The following MORN1 variants were observed in gnomAD, a reference collection of about 807,000 sequenced individuals.
MORN1 encodes the protein MORN repeat containing 1.
In MORN1, 67 loss-of-function variants were observed where a neutral mutation model predicts 61.9. That is an observed-to-expected ratio of 1.08 (90% CI 0.89 to 1.33). The LOEUF (loss-of-function observed/expected upper bound fraction) is 1.33. MORN1 is among the 40% of genes most tolerant of loss of function. The pLI is 0.00. For synonymous variants in MORN1, 301 were observed against 292.0 expected, an observed-to-expected ratio of 1.03 and a Z score of -0.31; for missense variants, 752 against 691.2, an observed-to-expected ratio of 1.09 and a Z score of -0.99.
At position 2,334,460 on chromosome 1, in the gene MORN1, A is replaced by C. The variant is rs566070042; in HGVS notation, c.1250+2009T>G. 6.6e-6 allele frequency among the ~76,000 whole-genome samples: 1 copy of C among 152,120 alleles called. No individual in the cohort carries two copies. The highest frequency in any genetic ancestry group is 2.1e-4 in the South Asian group (1 of 4,832). ...GAGCTTACGGAGAGTTCCCGATGGG[A>C]AAGACTCCCCAGGGTTTCCGCACCC... On this transcript the variant is annotated intron_variant, in intron 12 of 13. Transcript: ENST00000378531. This position sits in a 1 kb window ranked among gnomAD's most constrained non-coding sequence, Gnocchi z 5.4.
At chr1:2,329,786 C>G (rs532961710) in intron 12 of MORN1, among the ~76,000 whole-genome samples, 3 of 152,354 alleles carry the variant, frequency 2.0e-5, no homozygotes, top group Middle Eastern at 3.4e-3. Context: ...TAGTGTTCCC[C>G]AAGGCCCCAC....
intron 12 of MORN1, among the ~76,000 whole-genome samples, chr1:2,325,153 T>TTCCCTTCCC (rs1640989678): frequency 9.8e-6 from 1 of 102,074 alleles, no homozygotes; most frequent in African/African-American, 4.2e-5. Context: ...CCTCCCTTCC[T>TTCCCTTCCC]TCCCTCCCTT....
chr1:2,358,529 A>T, intron 9 of MORN1, 63 bp downstream of exon 9: 1 of 1,605,512 alleles, frequency 6.2e-7, no homozygotes. Flanking sequence ...ACAAGGAATT[A>T]ATGTGACCTA....
chr1:2,361,431 G>A (rs1641888341), intron 8 of MORN1, among the ~76,000 whole-genome samples: 1 of 152,114 alleles, frequency 6.6e-6, no homozygotes, highest in South Asian at 2.1e-4. Context: ...GGTGGCACGT[G>A]TCTGTCATCC....
Position 2,357,473 on chromosome 1 carries a change from C to A in MORN1, c.995G>T (p.Gly332Val). The change falls in exon 10 of 14, where the codon GGT (glycine) becomes GTT (valine). Residue 332 changes from glycine (G) to valine (V), a missense_variant. Transcript: ENST00000378531. This position sits in a 1 kb window ranked among gnomAD's most constrained non-coding sequence, Gnocchi z 6.3. ...LPRGDLELHLGALHGQEDTPG... is the reference protein window; with the variant it reads ...LPRGDLELHLVALHGQEDTPG... ...GGTGTCCTCCTGGCCATGGAGGGCA[C>A]CCAAATGCAGCTCCAGGTCTCCCCT... 1 of 1,612,294 alleles carries A rather than the reference C, an allele frequency of 6.2e-7. No individual in the cohort carries two copies. Among genetic ancestry groups the A allele is most frequent in the Non-Finnish European group, 8.5e-7 (1 of 1,179,434 alleles).
chr1:2,341,692 GAAAAAAAAA>G (rs68071614), intron 10 of MORN1, among the ~76,000 whole-genome samples: 1 of 133,782 alleles, frequency 7.5e-6, no homozygotes, highest in Non-Finnish European at 1.6e-5. Flanking sequence ...TCCGTCTCAA[GAAAAAAAAA>G]AAAAAAAAAG....
Position 2,388,280 on chromosome 1 carries a change from C to G in MORN1, c.206G>C (p.Gly69Ala). The stretch of plus-strand genomic sequence containing the variant: ...CCGGCGGCCTTCTCCCGTGATCTCT[C>G]CGTCCACAAACGCCCCTTCGTAATA... ...GSYYEGAFVD[G>A]EITGEGRRHW... is the part of the protein sequence containing the mutation. Residue 69 changes from glycine (G) to alanine (A), a missense_variant, in exon 3 of 14, where the codon GGA becomes GCA. Transcript: ENST00000378531. The G allele has an allele frequency of 6.2e-7, 1 of 1,614,004 alleles. No homozygotes were observed. Among genetic ancestry groups the G allele is most frequent in the Non-Finnish European group, 8.5e-7 (1 of 1,180,012 alleles).
At chr1:2,325,287 CCTCT>C (rs59175712) in intron 12 of MORN1, among the ~76,000 whole-genome samples, 146 of 136,450 alleles carry the variant, frequency 1.1e-3, no homozygotes, top group African/African-American at 3.1e-3. Context: ...CTCTCTCTCT[CCTCT>C]CTCTCTCTCT....
intron 12 of MORN1, chr1:2,326,313 A>C (rs1227520805): frequency 6.6e-6 from 1 of 152,250 alleles, no homozygotes; most frequent in African/African-American, 2.4e-5. Context: ...AGCGGGGTAC[A>C]TAATTCAGCA....
chr1:2,329,419 G>T (rs1350627249), intron 12 of MORN1, among the ~76,000 whole-genome samples: 1 of 152,214 alleles, frequency 6.6e-6, no homozygotes, highest in African/African-American at 2.4e-5. Flanking sequence ...TAGGGCCAGG[G>T]CACCCGGTGC....
chr1:2,390,586 G>A (rs1642626303), intron 1 of MORN1: 1 of 985,454 alleles, frequency 1.0e-6, no homozygotes, highest in Non-Finnish European at 1.2e-6. Context: ...CATTTTGTGG[G>A]CAGGGTTTAT....
intron 12 of MORN1, among the ~76,000 whole-genome samples, chr1:2,335,065 T>C (rs1242558450): frequency 6.6e-6 from 1 of 152,218 alleles, no homozygotes; most frequent in Non-Finnish European, 1.5e-5. Context: ...TCTGAAGTTA[T>C]CGTACAAAGT....
chr1:2,365,743 C>T (rs1401941219), intron 8 of MORN1, among the ~76,000 whole-genome samples: 1 of 152,178 alleles, frequency 6.6e-6, no homozygotes, highest in East Asian at 1.9e-4. Context: ...CCATCACTGG[C>T]TATCAGAGAA....
At position 2,322,668 on chromosome 1, in the gene MORN1, G is replaced by A; in HGVS notation, c.1298-1089C>T. On this transcript the variant is annotated intron_variant, in intron 13 of 13. Coordinates refer to ENST00000378531, the MANE Select transcript of MORN1 (RefSeq NM_024848.3). ...GGGGACAGCCTCCCTGGCGGGCGGA[G>A]GAAGAGCCCCACATGGCAACGCCAC... 3 of 985,460 alleles carry A rather than the reference G, an allele frequency of 3.0e-6. No homozygotes were observed. The South Asian group carries it at 1.4e-4, about 46-fold the overall frequency. The allele number at this position is 985,460 out of a possible 1,614,324, so 61.0% of individuals were successfully genotyped here.
chr1:2,387,484 T>C lies in MORN1; in HGVS notation c.293A>G (p.Tyr98Cys), dbSNP rs764339267. 1.2e-6 allele frequency: 2 copies of C among 1,613,580 alleles called. No homozygotes were observed. The highest frequency in any genetic ancestry group is 8.5e-7 in the Non-Finnish European group (1 of 1,180,024). Residue 98 changes from tyrosine to cysteine, a missense_variant, in exon 4 of 14, where the codon TAC becomes TGC. Coordinates refer to ENST00000378531, the MANE Select transcript of MORN1 (RefSeq NM_024848.3). ...GQFVLGEPQG[Y>C]GVMEYKAGGC... ...GCCGGCTTTGTACTCCATGACGCCGTAGCCTTGAGGCTCTCCCAGAACAAA... is the reference window on the plus strand; with the variant it reads ...GCCGGCTTTGTACTCCATGACGCCGCAGCCTTGAGGCTCTCCCAGAACAAA...
Position 2,321,769 on chromosome 1 carries a change from GAC to G in MORN1, c.1298-192_1298-191del, listed in dbSNP as rs70954596. 3.1e-3 allele frequency among the ~76,000 whole-genome samples: 479 copies of G among 152,298 alleles called. 3 individuals carry two copies. The highest frequency in any genetic ancestry group is 5.3e-3 in the Non-Finnish European group (361 of 68,024). ...CCACCGGACCGGTCCTGGGGGGCTGGACACACAGTCAGCATAGGTGAATAAAC... is the reference window on the plus strand; with the variant it reads ...CCACCGGACCGGTCCTGGGGGGCTGGACACAGTCAGCATAGGTGAATAAAC... On this transcript the variant is annotated intron_variant, in intron 13 of 13. Transcript: ENST00000378531.
intron 10 of MORN1, among the ~76,000 whole-genome samples, chr1:2,349,922 G>A (rs921231689): frequency 2.6e-5 from 4 of 152,196 alleles, no homozygotes; most frequent in African/African-American, 7.2e-5. Context: ...GCAACCTGAC[G>A]TCCTCTCACG....
In MORN1 at chr1:2,334,292, G is replaced by C. The variant is rs561965851; in HGVS notation, c.1250+2177C>G. On this transcript the variant is annotated intron_variant, in intron 12 of 13. Coordinates refer to ENST00000378531, the MANE Select transcript of MORN1 (RefSeq NM_024848.3). This position sits in a 1 kb window ranked among gnomAD's most constrained non-coding sequence, Gnocchi z 5.4. The stretch of plus-strand genomic sequence containing the variant: ...ATCACGTGGCTACAAGGAACTGGTG[G>C]TGGGGGTCAGGCTCCATGGAGGACG... 6.6e-4 allele frequency among the ~76,000 whole-genome samples: 101 copies of C among 152,274 alleles called. No homozygotes were observed. Among genetic ancestry groups the C allele is most frequent in the African/African-American group, 2.4e-3 (99 of 41,544 alleles).
chr1:2,324,492 G>T (rs1223794253), intron 12 of MORN1, among the ~76,000 whole-genome samples: 1 of 152,240 alleles, frequency 6.6e-6, no homozygotes, highest in Non-Finnish European at 1.5e-5. Context: ...ATCCCGGAGG[G>T]CGGGAAAGAC....
Sources: gnomAD v4.1 joint callset for allele counts (sites outside exome capture counted in the v4.1 genomes callset) on GRCh38, gnomAD v4.1.1 for gene constraint, Gnocchi (gnomAD v3.1) non-coding constraint, MANE v1.5 for transcripts, NCBI Gene and HGNC (gene_info 2026-07-23, HGNC 2026-07-21) for gene names.